Variants in SUSD4 observed in about 807,000 individuals in gnomAD.
SUSD4 encodes the protein sushi domain containing 4.
A neutral mutation model predicts 50.5 loss-of-function variants in SUSD4; 41 were observed. That is an observed-to-expected ratio of 0.81 (90% CI 0.63 to 1.05). The LOEUF (loss-of-function observed/expected upper bound fraction) is 1.05, where lower values mean the gene tolerates loss of function less well. Among genes scored for constraint, SUSD4 ranks in the 50% least tolerant of loss-of-function variants. The pLI is 0.00. For synonymous variants in SUSD4, 257 were observed against 257.3 expected (o/e 1.00, Z 0.01); for missense variants, 580 against 634.7 (o/e 0.91, Z 0.93).
intron 3 of SUSD4, among the ~76,000 whole-genome samples, chr1:223,281,577 G>A (rs1571963240): frequency 6.6e-6 from 1 of 152,214 alleles, no homozygotes; most frequent in East Asian, 1.9e-4. Flanking sequence ...AACAGGCTCT[G>A]AAATTGAGGC....
rs914179419 is a variant in SUSD4, at chr1:223,221,387, T to G, written c.*805A>C. ...ATTACCTTGGTTACTGTCTCCATCA[T>G]GAGATGTATTTGAACACATTCTGAC... On this transcript the variant is annotated 3_prime_UTR_variant, in exon 9 of 9. Transcript: ENST00000366878. The G allele has an allele frequency of 3.3e-6, 1 of 306,066 alleles. No individual in the cohort carries two copies. The highest frequency in any genetic ancestry group is 5.0e-5 in the Admixed American group (1 of 19,868). 19.0% of individuals were successfully genotyped at this position (306,066 alleles called of 1,614,324 possible).
At chr1:223,297,094 T>C (rs554702698) in intron 2 of SUSD4, among the ~76,000 whole-genome samples, 4 of 152,300 alleles carry the variant, frequency 2.6e-5, no homozygotes, top group South Asian at 2.1e-4. Flanking sequence ...ATGTGACCCA[T>C]TGGTCAACTA....
At chr1:223,273,900 T>C (rs926596980) in intron 3 of SUSD4, among the ~76,000 whole-genome samples, 2 of 152,222 alleles carry the variant, frequency 1.3e-5, no homozygotes, top group Admixed American at 6.5e-5. Context: ...TTAATCTATG[T>C]GCTTTCATTG....
At chr1:223,233,946 C>T (rs1660054889) in intron 5 of SUSD4, among the ~76,000 whole-genome samples, 2 of 152,228 alleles carry the variant, frequency 1.3e-5, no homozygotes, top group African/African-American at 4.8e-5. Flanking sequence ...TGCTGACACT[C>T]AGCCAGAAAC....
chr1:223,342,430 G>A (rs905865749), intron 2 of SUSD4, among the ~76,000 whole-genome samples: 1 of 152,136 alleles, frequency 6.6e-6, no homozygotes, highest in African/African-American at 2.4e-5. Context: ...AATTTATCTG[G>A]AAGAGTGATT....
At chr1:223,299,733 T>C (rs1665061453) in intron 2 of SUSD4, among the ~76,000 whole-genome samples, 1 of 152,182 alleles carries the variant, frequency 6.6e-6, no homozygotes, top group African/African-American at 2.4e-5. Context: ...ATTTGTCCAA[T>C]GCCTGAATAG....
intron 2 of SUSD4, among the ~76,000 whole-genome samples, chr1:223,316,215 G>A (rs759972347): frequency 8.5e-5 from 13 of 152,168 alleles, no homozygotes; most frequent in Non-Finnish European, 1.6e-4. Flanking sequence ...AAAGGTAGGG[G>A]CATGGGGATG....
At chr1:223,257,412 G>A (rs540349437) in intron 5 of SUSD4, among the ~76,000 whole-genome samples, 2 of 152,236 alleles carry the variant, frequency 1.3e-5, no homozygotes, top group South Asian at 4.1e-4. Flanking sequence ...AGTGGCATGG[G>A]CCTTCCCTAC....
At chr1:223,314,156 C>T (rs1036277058) in intron 2 of SUSD4, among the ~76,000 whole-genome samples, 3 of 152,214 alleles carry the variant, frequency 2.0e-5, no homozygotes, top group East Asian at 1.9e-4. Context: ...TCTTGGGGTC[C>T]GGATCAGTAA....
rs979051298 is a variant in SUSD4, at chr1:223,231,133, C to A, written c.725-1745G>T. Among the ~76,000 whole-genome samples the A allele has an allele frequency of 2.0e-5, 3 of 152,032 alleles. No homozygotes were observed. The highest frequency in any genetic ancestry group is 4.4e-5 in the Non-Finnish European group (3 of 67,998). Reference sequence around the variant, plus strand: ...ACCATGGAGGTCTATCCCGCGGGAACTGGAGCCCGGGGAAACTCAGACCCC... The same window carrying A: ...ACCATGGAGGTCTATCCCGCGGGAAATGGAGCCCGGGGAAACTCAGACCCC... On this transcript the variant is annotated intron_variant, in intron 5 of 8. Transcript: ENST00000366878. The surrounding 1 kb of genome is among the most constrained non-coding windows in gnomAD (Gnocchi z 4.2).
At chr1:223,312,550 T>C (rs1257475268) in intron 2 of SUSD4, among the ~76,000 whole-genome samples, 2 of 151,962 alleles carry the variant, frequency 1.3e-5, no homozygotes, top group African/African-American at 4.8e-5. Context: ...ACAGAGGAAT[T>C]TGGAATTACC....
chr1:223,268,024 TATATATATATATATATATAC>T (rs1558197068), intron 4 of SUSD4, among the ~76,000 whole-genome samples: 2 of 83,620 alleles, frequency 2.4e-5, no homozygotes, highest in Middle Eastern at 6.0e-3. Context: ...TATATATATA[TATATATATATATATATATAC>T]ACACACACTG....
intron 2 of SUSD4, among the ~76,000 whole-genome samples, chr1:223,312,743 C>T (rs1665951591): frequency 6.6e-6 from 1 of 152,202 alleles, no homozygotes; most frequent in African/African-American, 2.4e-5. Flanking sequence ...TGGGCTCCCT[C>T]ATTCAGGATT....
chr1:223,222,270 G>C, intron 8 of SUSD4, 50 bp from the exon 9 acceptor site: 1 of 1,581,614 alleles, frequency 6.3e-7, no homozygotes, highest in South Asian at 1.1e-5. Context: ...AAAACACCAT[G>C]ACGATCTGGA....
chr1:223,253,885 T>C (rs1208048190), intron 5 of SUSD4, among the ~76,000 whole-genome samples: 3 of 152,230 alleles, frequency 2.0e-5, no homozygotes, highest in East Asian at 3.9e-4. Context: ...CTCATACCCC[T>C]GGTCACAGCT....
At chr1:223,341,114 T>C (rs565792983) in intron 2 of SUSD4, among the ~76,000 whole-genome samples, 213 of 152,336 alleles carry the variant, frequency 1.4e-3, no homozygotes, top group African/African-American at 4.7e-3. Context: ...TTCTTTTTGT[T>C]GCTGCTGTTG....
chr1:223,221,764 T>G lies in SUSD4; in HGVS notation c.*428A>C, dbSNP rs1486029612. 1 of 159,458 alleles carries G rather than the reference T, an allele frequency of 6.3e-6. No individual in the cohort carries two copies. The highest frequency in any genetic ancestry group is 2.4e-5 in the African/African-American group (1 of 41,804). The allele number at this position is 159,458 out of a possible 1,614,324, so 9.9% of individuals were successfully genotyped here. On this transcript the variant is annotated 3_prime_UTR_variant, in exon 9 of 9. Coordinates refer to ENST00000366878, the MANE Select transcript of SUSD4 (RefSeq NM_017982.4). ...TCTGCAGAGGCTGACCCATCCAAAT[T>G]TGGAGTCCAGAGACAGTTTGAAGCA...
chr1:223,249,864 G>A lies in SUSD4; in HGVS notation c.724+14766C>T, dbSNP rs140003270. Among the ~76,000 whole-genome samples, 521 of 152,312 alleles carry A rather than the reference G, an allele frequency of 3.4e-3. 1 individual carries two copies. The highest frequency in any genetic ancestry group is 5.9e-3 in the Non-Finnish European group (401 of 68,018). Reference sequence around the variant, plus strand: ...AAGAAACACTGGCTTAGAAGACATGGACAGTGAAAAGAGAGGAAGAAAGGG... The same window carrying A: ...AAGAAACACTGGCTTAGAAGACATGAACAGTGAAAAGAGAGGAAGAAAGGG... On this transcript the variant is annotated intron_variant, in intron 5 of 8. Coordinates refer to ENST00000366878, the MANE Select transcript of SUSD4 (RefSeq NM_017982.4).
At chr1:223,246,596 A>G (rs1173931723) in intron 5 of SUSD4, among the ~76,000 whole-genome samples, 1 of 151,892 alleles carries the variant, frequency 6.6e-6, no homozygotes, top group African/African-American at 2.4e-5. Flanking sequence ...CTTCCACATG[A>G]GTGGAAGGAG....
Sources: allele counts gnomAD v4.1 joint callset (sites outside exome capture counted in the v4.1 genomes callset), GRCh38; gene constraint gnomAD v4.1.1; non-coding constraint Gnocchi (gnomAD v3.1); transcripts MANE v1.5; gene names NCBI Gene and HGNC (gene_info 2026-07-23, HGNC 2026-07-21).